MARCHF1: variants seen among roughly 807,000 people sequenced by gnomAD.
MARCHF1 encodes the protein membrane associated ring-CH-type finger 1.
MARCHF1 carries 40 observed loss-of-function variants against 54.2 expected under a neutral mutation model. That is an observed-to-expected ratio of 0.74 (90% CI 0.57 to 0.96). The LOEUF (loss-of-function observed/expected upper bound fraction) is 0.96, where lower values mean the gene tolerates loss of function less well. MARCHF1 is among the 40% of genes least tolerant of loss of function. The probability of loss-of-function intolerance (pLI) is 0.00; values close to 1 mark genes in which losing one functional copy is unlikely to be tolerated. For synonymous variants in MARCHF1, 236 were observed against 236.3 expected (o/e 1.00, Z 0.01); for missense variants, 586 against 656.5 (o/e 0.89, Z 1.17).
intron 5 of MARCHF1, among the ~76,000 whole-genome samples, chr4:163,646,102 T>G (rs960882233): frequency 6.7e-6 from 1 of 149,606 alleles, no homozygotes; most frequent in Non-Finnish European, 1.5e-5. Flanking sequence ...AAAGTTCTCA[T>G]AGAGAGAATC....
intron 4 of MARCHF1, among the ~76,000 whole-genome samples, chr4:163,819,066 T>C (rs1206502146): frequency 1.3e-5 from 2 of 152,104 alleles, no homozygotes; most frequent in Non-Finnish European, 2.9e-5. Flanking sequence ...TCTCCAATGC[T>C]CTTCCTGCCT....
At chr4:164,188,028 T>C (rs1731017890) in intron 1 of MARCHF1, among the ~76,000 whole-genome samples, 3 of 152,134 alleles carry the variant, frequency 2.0e-5, no homozygotes, top group Admixed American at 6.5e-5. Flanking sequence ...TTTCTTATAA[T>C]TTTCCATTAA....
chr4:164,246,964 C>T (rs1256949781), intron 1 of MARCHF1, among the ~76,000 whole-genome samples: 17 of 73,062 alleles, frequency 2.3e-4, no homozygotes, highest in African/African-American at 7.6e-4. Context: ...ACAACAGGTG[C>T]TGGAGAGGAT....
chr4:164,146,673 C>T (rs1348937383), intron 1 of MARCHF1, among the ~76,000 whole-genome samples: 1 of 151,964 alleles, frequency 6.6e-6, no homozygotes, highest in Non-Finnish European at 1.5e-5. Context: ...AAAATCAATT[C>T]AAGATGGATT....
intron 8 of MARCHF1, among the ~76,000 whole-genome samples, chr4:163,566,820 G>A (rs991665902): frequency 2.0e-5 from 3 of 152,122 alleles, no homozygotes; most frequent in African/African-American, 4.8e-5. Context: ...TGGGAAATTC[G>A]CTAAAGAAAG....
intron 2 of MARCHF1, among the ~76,000 whole-genome samples, chr4:164,093,425 A>G (rs1755345486): frequency 6.6e-6 from 1 of 152,142 alleles, no homozygotes; most frequent in Non-Finnish European, 1.5e-5. Flanking sequence ...TTACACATGG[A>G]CAGAAGGTTG....
In MARCHF1 at chr4:164,197,814, C is replaced by T. The variant is rs910758915; in HGVS notation, c.-322-86152G>A. On this transcript the variant is annotated intron_variant, in intron 1 of 9. Coordinates refer to ENST00000514618, the MANE Select transcript of MARCHF1 (RefSeq NM_001394959.1). ...TTTAGGACTTTGAAGACTCAACCAGCTCCGCTCGGTTCTCGAGCCCCAATA... is the reference window on the plus strand; with the variant it reads ...TTTAGGACTTTGAAGACTCAACCAGTTCCGCTCGGTTCTCGAGCCCCAATA... 8 of 1,556,634 alleles carry T rather than the reference C, an allele frequency of 5.1e-6. No individual in the cohort carries two copies. In the African/African-American group the frequency reaches 5.5e-5, roughly 11 times the overall value.
At chr4:163,644,714 CTA>C (rs1742688094) in intron 5 of MARCHF1, among the ~76,000 whole-genome samples, 2 of 152,192 alleles carry the variant, frequency 1.3e-5, no homozygotes, top group African/African-American at 4.8e-5. Flanking sequence ...AGGAACTCAG[CTA>C]TAGTTCATCT....
At chr4:164,198,687 G>A (rs1386931220) in intron 1 of MARCHF1, among the ~76,000 whole-genome samples, 2 of 152,290 alleles carry the variant, frequency 1.3e-5, no homozygotes, top group South Asian at 2.1e-4. Context: ...TGTCTGAGCC[G>A]TAATTCCACC....
intron 7 of MARCHF1, among the ~76,000 whole-genome samples, chr4:163,606,184 G>T (rs544170329): frequency 1.3e-5 from 2 of 152,024 alleles, no homozygotes; most frequent in African/African-American, 4.8e-5. Flanking sequence ...TTGTCTTTGG[G>T]CTCTTCCTCT....
intron 1 of MARCHF1, among the ~76,000 whole-genome samples, chr4:164,354,315 G>C (rs1224521483): frequency 7.5e-6 from 1 of 133,592 alleles, no homozygotes; most frequent in African/African-American, 2.8e-5. Context: ...AACCAAAAAA[G>C]AGAATTTTAG....
intron 1 of MARCHF1, among the ~76,000 whole-genome samples, chr4:164,214,073 C>T (rs899922462): frequency 1.3e-5 from 2 of 151,694 alleles, no homozygotes; most frequent in African/African-American, 4.8e-5. Flanking sequence ...CTACTATGTA[C>T]CCATAAAAAT....
In MARCHF1 at chr4:163,879,998, G is replaced by C. The variant is rs565227467; in HGVS notation, c.-38-25829C>G. On this transcript the variant is annotated intron_variant, in intron 3 of 9. Coordinates refer to ENST00000514618, the MANE Select transcript of MARCHF1 (RefSeq NM_001394959.1). ...GCATTTGTAACAGCTGCCCATGATG[G>C]CTAAGAAAAAGTTTTGCTATATTCA... Among the ~76,000 whole-genome samples the C allele has an allele frequency of 1.8e-3, 276 of 151,998 alleles. 2 individuals are homozygous for C. Among genetic ancestry groups the C allele is most frequent in the African/African-American group, 6.4e-3 (264 of 41,484 alleles).
At chr4:164,209,044 A>G (rs1560955022) in intron 1 of MARCHF1, among the ~76,000 whole-genome samples, 1 of 150,382 alleles carries the variant, frequency 6.6e-6, no homozygotes, top group Admixed American at 6.6e-5. Context: ...TATATATAAA[A>G]TGTTTGTGTG....
At chr4:164,071,932 T>C (rs1406350742) in intron 2 of MARCHF1, among the ~76,000 whole-genome samples, 4 of 152,058 alleles carry the variant, frequency 2.6e-5, no homozygotes, top group South Asian at 2.1e-4. Flanking sequence ...TATTTTTTAA[T>C]GAATTTTTTA....
chr4:163,648,941 G>C (rs1313635109), intron 5 of MARCHF1, among the ~76,000 whole-genome samples: 1 of 151,666 alleles, frequency 6.6e-6, no homozygotes, highest in Non-Finnish European at 1.5e-5. Flanking sequence ...AACCTTACAG[G>C]AGCAAGGAGT....
rs560865220 is a variant in MARCHF1, at chr4:164,227,641, AGAG to A, written c.-322-115982_-322-115980del. On this transcript the variant is annotated intron_variant, in intron 1 of 9. Coordinates refer to ENST00000514618, the MANE Select transcript of MARCHF1 (RefSeq NM_001394959.1). ...CAAAAATTTTAAAAAATAGTGTGGGAGAGGAGGACAAGAGGAGCACTCTCGCAA... is the reference window on the plus strand; with the variant it reads ...CAAAAATTTTAAAAAATAGTGTGGGAGAGGACAAGAGGAGCACTCTCGCAA... 5.0e-4 allele frequency among the ~76,000 whole-genome samples: 76 copies of A among 152,268 alleles called. 1 individual carries two copies. In the South Asian group the frequency reaches 0.013, roughly 26 times the overall value.
chr4:164,281,353 G>C (rs1467315044), intron 1 of MARCHF1, among the ~76,000 whole-genome samples: 3 of 152,152 alleles, frequency 2.0e-5, no homozygotes, highest in African/African-American at 7.2e-5. Flanking sequence ...AAAAGTCAAA[G>C]AGAATGTAGT....
intron 3 of MARCHF1, among the ~76,000 whole-genome samples, chr4:163,973,717 A>G (rs1752595205): frequency 6.6e-6 from 1 of 152,234 alleles, no homozygotes; most frequent in African/African-American, 2.4e-5. Context: ...AAGAAATGAC[A>G]CCAGAGTTCT....
Sources: gnomAD v4.1 joint callset for allele counts (sites outside exome capture counted in the v4.1 genomes callset) on GRCh38, gnomAD v4.1.1 for gene constraint, MANE v1.5 for transcripts, NCBI Gene and HGNC (gene_info 2026-07-23, HGNC 2026-07-21) for gene names.